The following PRKAR2B variants were observed in gnomAD, a reference collection of about 807,000 sequenced individuals.
The protein encoded by PRKAR2B is cAMP-dependent protein kinase type II-beta regulatory subunit.
In PRKAR2B, 14 loss-of-function variants were observed where a neutral mutation model predicts 49.9. The observed-to-expected ratio is 0.28, with a 90% CI of 0.19 to 0.44. The LOEUF (loss-of-function observed/expected upper bound fraction) is 0.44. Among genes scored for constraint, PRKAR2B ranks in the 20% least tolerant of loss-of-function variants. The pLI is 1.00. For synonymous variants in PRKAR2B, 196 were observed against 197.7 expected, an observed-to-expected ratio of 0.99 and a Z score of 0.07; for missense variants, 393 against 537.9, an observed-to-expected ratio of 0.73 and a Z score of 2.67.
At chr7:107,119,655 T>C (rs1189960298) in intron 2 of PRKAR2B, among the ~76,000 whole-genome samples, 1 of 152,200 alleles carries the variant, frequency 6.6e-6, no homozygotes, top group Non-Finnish European at 1.5e-5. Flanking sequence ...CCTGATTCCC[T>C]GAAACATTCA....
intron 2 of PRKAR2B, among the ~76,000 whole-genome samples, chr7:107,109,381 T>A (rs1372453622): frequency 6.6e-6 from 1 of 151,592 alleles, no homozygotes; most frequent in African/African-American, 2.4e-5. Context: ...CACCTCAGGC[T>A]CCCAAGTAGC....
chr7:107,115,904 G>A (rs1170977419), intron 2 of PRKAR2B, among the ~76,000 whole-genome samples: 1 of 152,188 alleles, frequency 6.6e-6, no homozygotes, highest in East Asian at 1.9e-4. Flanking sequence ...AGAAGCTTTA[G>A]GGACTGGTGG....
chr7:107,157,456 C>A, intron 10 of PRKAR2B, 132 bp downstream of exon 10: 2 of 1,140,050 alleles, frequency 1.8e-6, no homozygotes, highest in Non-Finnish European at 1.2e-6. Context: ...AAGATTAGGA[C>A]TCATTGCCTT....
At chr7:107,064,499 G>A (rs1459842268) in intron 1 of PRKAR2B, among the ~76,000 whole-genome samples, 2 of 152,138 alleles carry the variant, frequency 1.3e-5, no homozygotes, top group Non-Finnish European at 2.9e-5. Context: ...AATCAAAAAG[G>A]AAGAAGAAAA....
rs373599721 is a variant in PRKAR2B, at chr7:107,044,937, G to A, written c.30G>A (p.Thr10=). 731 of 1,599,386 alleles carry A rather than the reference G, an allele frequency of 4.6e-4. 2 individuals carry two copies. In the African/African-American group the frequency reaches 7.3e-3, roughly 16 times the overall value. MSIEIPAGL[T]ELLQGFTVEV... ...GCATCGAGATCCCGGCGGGACTGAC[G>A]GAGCTGCTGCAGGGCTTCACGGTGG... is the stretch of plus-strand genomic sequence containing the variant. Residue 10 remains threonine, a synonymous_variant, in exon 1 of 11, where the codon ACG becomes ACA. Coordinates refer to ENST00000265717, the MANE Select transcript of PRKAR2B (RefSeq NM_002736.3).
At chr7:107,110,295 A>G (rs1795148349) in intron 2 of PRKAR2B, among the ~76,000 whole-genome samples, 1 of 152,168 alleles carries the variant, frequency 6.6e-6, no homozygotes, top group Non-Finnish European at 1.5e-5. Context: ...ACCTTGGGCT[A>G]AAGTGCTCTG....
chr7:107,125,281 T>C lies in PRKAR2B; in HGVS notation c.397-2931T>C, dbSNP rs1242503646. Among the ~76,000 whole-genome samples the C allele has an allele frequency of 2.6e-5, 4 of 152,324 alleles. No individual in the cohort carries two copies. In the East Asian group the frequency reaches 5.8e-4, roughly 22 times the overall value. ...GGACAAGTGATTTGGGCAAGTTGATTTCCTTAACTCTAAATTTCTTAACCT... is the reference window on the plus strand; with the variant it reads ...GGACAAGTGATTTGGGCAAGTTGATCTCCTTAACTCTAAATTTCTTAACCT... On this transcript the variant is annotated intron_variant, in intron 3 of 10. Coordinates refer to ENST00000265717, the MANE Select transcript of PRKAR2B (RefSeq NM_002736.3).
In PRKAR2B at chr7:107,157,257, G is replaced by A. The variant is rs1796109472; in HGVS notation, c.1056G>A (p.Glu352=). ...GCTCGCGGGGACAGTACTTTGGAGA[G>A]CTTGCCCTGGTAACTAACAAACCTC... ...ARCSRGQYFG[E]LALVTNKPRA... is the part of the protein sequence containing the mutation. The change falls in exon 10 of 11, where the codon GAG becomes GAA. Residue 352 remains glutamate (E), a synonymous_variant. Transcript: ENST00000265717. 6.2e-7 allele frequency: 1 copy of A among 1,614,106 alleles called. No individual in the cohort carries two copies. Among genetic ancestry groups the A allele is most frequent in the African/African-American group, 1.3e-5 (1 of 74,942 alleles).
chr7:107,148,619 A>G (rs916998994), intron 6 of PRKAR2B, among the ~76,000 whole-genome samples: 1 of 152,204 alleles, frequency 6.6e-6, no homozygotes, highest in African/African-American at 2.4e-5. Context: ...TTTAAGGGTG[A>G]CTTGACTAAT....
intron 3 of PRKAR2B, among the ~76,000 whole-genome samples, chr7:107,125,049 A>G (rs577181354): frequency 6.6e-6 from 1 of 152,228 alleles, no homozygotes; most frequent in East Asian, 1.9e-4. Flanking sequence ...TATAGATTTT[A>G]TGTGTCAGGA....
intron 2 of PRKAR2B, chr7:107,078,210 A>AAAAG (rs1794440908): frequency 1.3e-5 from 2 of 152,336 alleles, no homozygotes; most frequent in Admixed American, 1.3e-4. Flanking sequence ...TCAAAAAAAA[A>AAAAG]AAAAAAAGAA....
At chr7:107,080,276 C>T (rs1357218905) in intron 2 of PRKAR2B, among the ~76,000 whole-genome samples, 1 of 151,882 alleles carries the variant, frequency 6.6e-6, no homozygotes, top group Non-Finnish European at 1.5e-5. Flanking sequence ...GAAGTGGTAC[C>T]GTCTAAGAGA....
intron 2 of PRKAR2B, among the ~76,000 whole-genome samples, chr7:107,094,774 C>T (rs1268051469): frequency 6.6e-6 from 1 of 152,118 alleles, no homozygotes; most frequent in Non-Finnish European, 1.5e-5. Context: ...AATCCTTTCC[C>T]CATTTCTTGT....
In PRKAR2B at chr7:107,128,313, A is replaced by C. The variant is rs774425222; in HGVS notation, c.480+18A>C. The stretch of plus-strand genomic sequence containing the variant: ...TGGATCCGGTAAGATAAATCTTAAT[A>C]ATAGAAATGGCTTTGTTTTTTCCCC... On this transcript the variant is annotated intron_variant, in intron 4 of 10. Transcript: ENST00000265717. 1.3e-6 allele frequency: 2 copies of C among 1,569,986 alleles called. No individual in the cohort carries two copies. The highest frequency in any genetic ancestry group is 2.2e-5 in the East Asian group (1 of 44,658).
intron 2 of PRKAR2B, among the ~76,000 whole-genome samples, chr7:107,117,973 TAAAGAA>T (rs1270401171): frequency 6.6e-6 from 1 of 152,188 alleles, no homozygotes; most frequent in Non-Finnish European, 1.5e-5. Flanking sequence ...AAGATTCACT[TAAAGAA>T]TAAGATTCTG....
intron 2 of PRKAR2B, among the ~76,000 whole-genome samples, chr7:107,074,388 G>T (rs959638801): frequency 1.3e-5 from 2 of 152,122 alleles, no homozygotes; most frequent in Non-Finnish European, 2.9e-5. Context: ...ATAGGTGTGA[G>T]CCACTGCGCC....
intron 1 of PRKAR2B, among the ~76,000 whole-genome samples, chr7:107,053,325 A>G (rs540067989): frequency 1.8e-4 from 27 of 152,310 alleles, no homozygotes; most frequent in African/African-American, 6.3e-4. Flanking sequence ...TTTTGAAAGG[A>G]GAAAGTAAAA....
At chr7:107,098,379 T>C (rs187988083) in intron 2 of PRKAR2B, among the ~76,000 whole-genome samples, 4 of 152,348 alleles carry the variant, frequency 2.6e-5, no homozygotes, top group Admixed American at 2.6e-4. Context: ...TAAGGTCTTG[T>C]CTGTACTGTT....
chr7:107,121,903 A>T (rs2115585603), intron 2 of PRKAR2B, 49 bp from the exon 3 acceptor site: 1 of 1,216,834 alleles, frequency 8.2e-7, no homozygotes, highest in East Asian at 2.4e-5. Context: ...TCATTGTAGT[A>T]TGGTTTTTGA....
Sources: allele counts gnomAD v4.1 joint callset (sites outside exome capture counted in the v4.1 genomes callset), GRCh38; gene constraint gnomAD v4.1.1; transcripts MANE v1.5; gene names NCBI Gene and HGNC (gene_info 2026-07-23, HGNC 2026-07-21).